Variants in FSTL4 observed in about 807,000 individuals in gnomAD.
The protein encoded by FSTL4 is follistatin-related protein 4.
FSTL4 carries 28 observed loss-of-function variants against 78.2 expected under a neutral mutation model. The ratio of observed to expected loss-of-function variants is 0.36; its 90% CI spans 0.27 to 0.49. FSTL4 has a LOEUF of 0.49. Among genes scored for constraint, FSTL4 ranks in the 20% least tolerant of loss-of-function variants. The pLI is 0.98. For synonymous variants in FSTL4, 422 were observed against 440.5 expected, an observed-to-expected ratio of 0.96 and a Z score of 0.53; for missense variants, 922 against 1,084.9, an observed-to-expected ratio of 0.85 and a Z score of 2.11.
chr5:133,504,352 A>AG (rs1407097096), intron 3 of FSTL4, among the ~76,000 whole-genome samples: 1 of 152,100 alleles, frequency 6.6e-6, no homozygotes. Context: ...CCTCAAACAT[A>AG]GGGAAAAATA....
chr5:133,772,402 T>C, the FSTL4 span, among the ~76,000 whole-genome samples: 1 of 152,212 alleles, frequency 6.6e-6, no homozygotes, highest in Non-Finnish European at 1.5e-5. Flanking sequence ...GTCATGAAAG[T>C]AGTTTTTGTC....
chr5:133,612,651 C>T (rs888281538), upstream of FSTL4: 10 of 151,760 alleles, frequency 6.6e-5, no homozygotes, highest in African/African-American at 2.4e-4. The surrounding 1 kb of genome is among the most constrained non-coding windows in gnomAD (Gnocchi z 6.2). Flanking sequence ...GCGGCGGCCA[C>T]GGCAGGTGCG....
intron 15 of FSTL4, among the ~76,000 whole-genome samples, chr5:133,201,299 T>C (rs1750311525): frequency 6.6e-6 from 1 of 152,008 alleles, no homozygotes; most frequent in Non-Finnish European, 1.5e-5. Flanking sequence ...TGGGCCGAGG[T>C]CTGCAGTTGA....
At chr5:133,694,497 A>G in the FSTL4 span, among the ~76,000 whole-genome samples, 1 of 152,268 alleles carries the variant, frequency 6.6e-6, no homozygotes, top group African/African-American at 2.4e-5. Context: ...TGTGAAACTC[A>G]GCATGGTTCC....
At chr5:133,657,048 C>G in the FSTL4 span, among the ~76,000 whole-genome samples, 1 of 152,130 alleles carries the variant, frequency 6.6e-6, no homozygotes, top group African/African-American at 2.4e-5. Flanking sequence ...AAGTTCAGAG[C>G]AGCAGGTGGG....
chr5:133,281,527 C>A (rs766800276), intron 6 of FSTL4, among the ~76,000 whole-genome samples: 20 of 152,224 alleles, frequency 1.3e-4, no homozygotes, highest in Admixed American at 3.9e-4. Context: ...CCCAGCTCTG[C>A]AGGATTCCCA....
At chr5:133,780,892 T>G in the FSTL4 span, among the ~76,000 whole-genome samples, 1 of 152,206 alleles carries the variant, frequency 6.6e-6, no homozygotes, top group African/African-American at 2.4e-5. Flanking sequence ...AACAGCCTGC[T>G]GCAAGGTGGC....
the FSTL4 span, among the ~76,000 whole-genome samples, chr5:133,688,237 C>T: frequency 6.6e-6 from 1 of 152,086 alleles, no homozygotes; most frequent in Non-Finnish European, 1.5e-5. Context: ...AGTAAAACCC[C>T]GTCTCTACTA....
chr5:133,231,485 T>G (rs1751493512), intron 8 of FSTL4, among the ~76,000 whole-genome samples: 1 of 152,206 alleles, frequency 6.6e-6, no homozygotes, highest in Non-Finnish European at 1.5e-5. Context: ...TCTTTTGCTT[T>G]TGTGTTAATC....
chr5:133,562,900 T>C (rs999566263), intron 3 of FSTL4, among the ~76,000 whole-genome samples: 1 of 152,126 alleles, frequency 6.6e-6, no homozygotes, highest in African/African-American at 2.4e-5. Flanking sequence ...AGTAGATGAA[T>C]TTTGGCAGTC....
intron 8 of FSTL4, among the ~76,000 whole-genome samples, chr5:133,229,905 A>G (rs1205373580): frequency 6.6e-6 from 1 of 152,200 alleles, no homozygotes; most frequent in Non-Finnish European, 1.5e-5. Context: ...TCAAGAATGA[A>G]CCATGAGTGA....
intron 3 of FSTL4, among the ~76,000 whole-genome samples, chr5:133,553,718 C>T (rs1759733002): frequency 6.6e-6 from 1 of 152,194 alleles, no homozygotes; most frequent in South Asian, 2.1e-4. Context: ...AATCTCCGAT[C>T]CCCTAAGGCA....
the FSTL4 span, among the ~76,000 whole-genome samples, chr5:133,618,108 T>C: frequency 6.6e-6 from 1 of 152,182 alleles, no homozygotes; most frequent in African/African-American, 2.4e-5. Flanking sequence ...GTTTTTCCCA[T>C]ACATACATAC....
chr5:133,285,347 G>A (rs552818203), intron 6 of FSTL4, among the ~76,000 whole-genome samples: 1 of 152,168 alleles, frequency 6.6e-6, no homozygotes, highest in East Asian at 1.9e-4. Flanking sequence ...CAGTGTCCTG[G>A]CAGAATGAGG....
the FSTL4 span, among the ~76,000 whole-genome samples, chr5:133,818,597 G>A: frequency 6.6e-6 from 1 of 152,026 alleles, no homozygotes; most frequent in Non-Finnish European, 1.5e-5. Flanking sequence ...TCTCCCGGCG[G>A]ACATAAAATT....
At chr5:133,716,213 G>T in the FSTL4 span, among the ~76,000 whole-genome samples, 1 of 152,102 alleles carries the variant, frequency 6.6e-6, no homozygotes, top group Non-Finnish European at 1.5e-5. Flanking sequence ...GAAAATGGAA[G>T]GTATTCCAGA....
At chr5:133,782,920 C>T in the FSTL4 span, among the ~76,000 whole-genome samples, 12 of 152,268 alleles carry the variant, frequency 7.9e-5, no homozygotes, top group Admixed American at 1.3e-4. Flanking sequence ...GAGGAGGAAC[C>T]CTGTCCACTA....
At chr5:133,280,528 C>T (rs1428705474) in intron 6 of FSTL4, among the ~76,000 whole-genome samples, 2 of 152,176 alleles carry the variant, frequency 1.3e-5, no homozygotes, top group African/African-American at 4.8e-5. Context: ...CTGAAAACTG[C>T]TCTCAAAATG....
At chr5:133,461,192 T>C (rs563019171) in intron 3 of FSTL4, among the ~76,000 whole-genome samples, 44 of 152,326 alleles carry the variant, frequency 2.9e-4, no homozygotes, top group African/African-American at 9.4e-4. Context: ...CATCTGTCAA[T>C]GTGGCTCTGA....
Sources: allele counts gnomAD v4.1 joint callset (sites outside exome capture counted in the v4.1 genomes callset), GRCh38; gene constraint gnomAD v4.1.1; non-coding constraint Gnocchi (gnomAD v3.1); transcripts MANE v1.5; gene names NCBI Gene and HGNC (gene_info 2026-07-23, HGNC 2026-07-21).